Variants in RALYL observed in about 807,000 individuals in gnomAD.
The protein encoded by RALYL is RALY RNA binding protein like, also known as RNA-binding Raly-like protein.
Under a neutral mutation model 35.1 loss-of-function variants are expected in RALYL, and 29 were observed. The ratio of observed to expected loss-of-function variants is 0.83; its 90% confidence interval spans 0.61 to 1.13. The LOEUF is 1.13. Ranked by LOEUF, RALYL falls within the 50% of genes most tolerant of loss-of-function variation. The pLI, the probability that RALYL is intolerant of heterozygous loss-of-function variation, is 0.00. For synonymous variants in RALYL, 120 were observed against 127.6 expected (o/e 0.94, Z 0.40); for missense variants, 359 against 360.4 (o/e 1.00, Z 0.03).
chr8:84,691,779 C>G (rs759588229), intron 2 of RALYL, among the ~76,000 whole-genome samples: 5 of 151,938 alleles, frequency 3.3e-5, no homozygotes, highest in African/African-American at 4.8e-5. Flanking sequence ...AGAAGTGATA[C>G]TAAAATAACT....
At chr8:84,566,145 T>G (rs1018340001) in intron 2 of RALYL, among the ~76,000 whole-genome samples, 1 of 151,560 alleles carries the variant, frequency 6.6e-6, no homozygotes, top group Non-Finnish European at 1.5e-5. Flanking sequence ...GGAGAAAGAA[T>G]GATGATCTTG....
intron 2 of RALYL, among the ~76,000 whole-genome samples, chr8:84,543,009 A>C (rs1403197780): frequency 6.6e-6 from 1 of 152,124 alleles, no homozygotes; most frequent in Middle Eastern, 3.2e-3. Context: ...GAACAAAATC[A>C]TTTGTCCTAT....
At chr8:84,411,923 G>T (rs1178461382) in intron 1 of RALYL, among the ~76,000 whole-genome samples, 1 of 151,788 alleles carries the variant, frequency 6.6e-6, no homozygotes, top group Non-Finnish European at 1.5e-5. Flanking sequence ...ACTTAAACTT[G>T]CCTCTGTATC....
At chr8:84,346,001 G>A in intron 1 of RALYL, 5 of 778,014 alleles carry the variant, frequency 6.4e-6, no homozygotes, top group Non-Finnish European at 7.8e-6. Flanking sequence ...ACCTCCTTGG[G>A]ACAATTATTA....
At chr8:84,300,578 C>G (rs1331191120) in intron 1 of RALYL, among the ~76,000 whole-genome samples, 1 of 151,980 alleles carries the variant, frequency 6.6e-6, no homozygotes, top group East Asian at 1.9e-4. Flanking sequence ...ATCTATGTCT[C>G]TTTGTAGGTC....
Position 84,699,005 on chromosome 8 carries a change from C to CATAGATAGATAGATAG in RALYL, c.257-75537_257-75522dup, listed in dbSNP as rs3068019. 6.2e-3 allele frequency among the ~76,000 whole-genome samples: 888 copies of CATAGATAGATAGATAG among 144,272 alleles called. 7 individuals carry two copies. Among genetic ancestry groups the CATAGATAGATAGATAG allele is most frequent in the African/African-American group, 7.0e-3 (263 of 37,516 alleles). The allele number at this position is 144,272 out of a possible 152,430, so 94.6% of individuals were successfully genotyped here. The stretch of plus-strand genomic sequence containing the variant: ...CTGTGGCTTTTAAGATAGGTAGGTA[C>CATAGATAGATAGATAG]ATAGATAGATAGATAGATAGATAGA... On this transcript the variant is annotated intron_variant, in intron 2 of 8. Transcript: ENST00000521268.
intron 2 of RALYL, among the ~76,000 whole-genome samples, chr8:84,772,617 G>A (rs1363757855): frequency 6.6e-6 from 1 of 151,904 alleles, no homozygotes; most frequent in East Asian, 1.9e-4. Context: ...ACTTTAGACT[G>A]TATTTTATAC....
At chr8:84,893,970 TAAC>T (rs1489980185) in intron 8 of RALYL, among the ~76,000 whole-genome samples, 1 of 152,204 alleles carries the variant, frequency 6.6e-6, no homozygotes, top group African/African-American at 2.4e-5. Context: ...TTTCAGGATT[TAAC>T]AAAACATTCA....
rs954826462 is a variant in RALYL, at chr8:84,490,817, G to A, written c.-23-38482G>A. On this transcript the variant is annotated intron_variant, in intron 1 of 8. Transcript: ENST00000521268. ...TAACTGACTGTGGAAGATTTCTGTGGGGAAAGCAAGGACATCTAGACTATT... is the reference window on the plus strand; with the variant it reads ...TAACTGACTGTGGAAGATTTCTGTGAGGAAAGCAAGGACATCTAGACTATT... Among the ~76,000 whole-genome samples the A allele has an allele frequency of 2.6e-5, 4 of 151,756 alleles. No individual in the cohort carries two copies. In the Admixed American group the frequency reaches 2.6e-4, roughly 10 times the overall value.
intron 2 of RALYL, among the ~76,000 whole-genome samples, chr8:84,631,922 C>G (rs1478041012): frequency 6.6e-6 from 1 of 151,878 alleles, no homozygotes; most frequent in Non-Finnish European, 1.5e-5. Flanking sequence ...TATTATTAAA[C>G]AAATTCCATA....
intron 7 of RALYL, among the ~76,000 whole-genome samples, chr8:84,877,472 G>A (rs541395927): frequency 1.3e-5 from 2 of 152,102 alleles, no homozygotes; most frequent in Admixed American, 1.3e-4. Context: ...GGGCGACAGC[G>A]AGATTCCATC....
chr8:84,216,279 A>G lies in RALYL; in HGVS notation c.-24+31855A>G, dbSNP rs1820793442. On this transcript the variant is annotated intron_variant, in intron 1 of 8. Transcript: ENST00000521268. ...AAATTTTGAAGGTTAACAGAAAAAA[A>G]TGGACATTCAGTTATACCACCATAA... is the stretch of plus-strand genomic sequence containing the variant. Among the ~76,000 whole-genome samples, 2 of 152,048 alleles carry G rather than the reference A, an allele frequency of 1.3e-5. 1 individual carries two copies. The highest frequency in any genetic ancestry group is 2.9e-5 in the Non-Finnish European group (2 of 68,016).
At chr8:84,319,312 C>T (rs184146556) in intron 1 of RALYL, among the ~76,000 whole-genome samples, 72 of 152,192 alleles carry the variant, frequency 4.7e-4, no homozygotes, top group African/African-American at 1.6e-3. Flanking sequence ...GTTCTGTCTT[C>T]TTAGTGACTA....
intron 3 of RALYL, among the ~76,000 whole-genome samples, chr8:84,799,856 T>C (rs188121982): frequency 3.9e-5 from 6 of 152,250 alleles, no homozygotes; most frequent in Admixed American, 3.9e-4. Flanking sequence ...CTCGGGAGGC[T>C]GAGGCAGGAG....
intron 4 of RALYL, among the ~76,000 whole-genome samples, chr8:84,837,097 C>A (rs1333758487): frequency 6.6e-6 from 1 of 152,156 alleles, no homozygotes; most frequent in East Asian, 1.9e-4. Context: ...GTCTCACTCA[C>A]CACCTCCTAT....
chr8:84,401,346 A>G (rs1406896099), intron 1 of RALYL, among the ~76,000 whole-genome samples: 4 of 152,018 alleles, frequency 2.6e-5, no homozygotes, highest in African/African-American at 9.7e-5. Context: ...ACATTTGAAA[A>G]TATGTAAGAG....
At chr8:84,297,558 G>A (rs533545477) in intron 1 of RALYL, among the ~76,000 whole-genome samples, 2 of 152,100 alleles carry the variant, frequency 1.3e-5, no homozygotes, top group Admixed American at 6.6e-5. Context: ...TTATATTTTT[G>A]GAGGTATATA....
At chr8:84,818,253 G>T (rs879395760) in intron 4 of RALYL, among the ~76,000 whole-genome samples, 1 of 152,048 alleles carries the variant, frequency 6.6e-6, no homozygotes, top group African/African-American at 2.4e-5. Flanking sequence ...ATGAAAGAGG[G>T]AAAGCAATAC....
intron 2 of RALYL, among the ~76,000 whole-genome samples, chr8:84,594,817 C>G (rs970986731): frequency 6.6e-6 from 1 of 151,920 alleles, no homozygotes; most frequent in African/African-American, 2.4e-5. Context: ...ATATTTTAAC[C>G]AGAGAAGTCT....
Sources: gnomAD v4.1 joint callset for allele counts (sites outside exome capture counted in the v4.1 genomes callset) on GRCh38, gnomAD v4.1.1 for gene constraint, MANE v1.5 for transcripts, NCBI Gene and HGNC (gene_info 2026-07-23, HGNC 2026-07-21) for gene names.